The following ZNF487 variants were observed in gnomAD, a reference collection of about 807,000 sequenced individuals.
ZNF487 encodes zinc finger protein 487.
A neutral mutation model predicts 3.0 loss-of-function variants in ZNF487; 4 were observed. The ratio of observed to expected loss-of-function variants is 1.35; its 90% CI spans 0.66 to 3.08. The LOEUF (loss-of-function observed/expected upper bound fraction) is 3.08, where lower values mean the gene tolerates loss of function less well. Ranked by LOEUF, ZNF487 falls within the 30% of genes most tolerant of loss-of-function variation. The pLI is 0.01. For missense variants in ZNF487, 146 were observed against 98.7 expected, an observed-to-expected ratio of 1.48 and a Z score of -2.03; for synonymous variants, 55 against 34.6, an observed-to-expected ratio of 1.59 and a Z score of -2.06.
downstream of ZNF487, among the ~76,000 whole-genome samples, chr10:43,487,673 A>G (rs1225598324): frequency 6.7e-6 from 1 of 150,084 alleles, no homozygotes; most frequent in Non-Finnish European, 1.5e-5. Context: ...GATGGTGTCC[A>G]TCTTCCGACT....
At position 43,481,770 on chromosome 10, in the gene ZNF487, G is replaced by T; in HGVS notation, c.472G>T (p.Gly158Trp). The T allele has an allele frequency of 1.4e-6, 1 of 713,492 alleles. No individual in the cohort carries two copies. The highest frequency in any genetic ancestry group is 2.6e-6 in the Non-Finnish European group (1 of 385,054). 44.2% of individuals were successfully genotyped at this position (713,492 alleles called of 1,614,324 possible). Residue 158 changes from glycine (G) to tryptophan (W), a missense_variant, in exon 4 of 4, where the codon GGG becomes TGG. Transcript: ENST00000437590. The part of the protein sequence containing the change: ...RGKPLEYDGN[G>W]KAVSQNEDLF... ...GAAACCTTTGGAATATGATGGAAAT[G>T]GGAAAGCCGTCTCTCAGAATGAGGA... is the stretch of plus-strand genomic sequence containing the variant.
intron 1 of ZNF487, among the ~76,000 whole-genome samples, chr10:43,468,723 A>ACGCC (rs1331404871): frequency 6.9e-6 from 1 of 144,870 alleles, no homozygotes; most frequent in Non-Finnish European, 1.5e-5. Context: ...GCAGTGGCTC[A>ACGCC]CGCCTGTAAT....
At chr10:43,485,635 T>C (rs1307380304), downstream of ZNF487, among the ~76,000 whole-genome samples, 1 of 152,232 alleles carries the variant, frequency 6.6e-6, no homozygotes, top group Non-Finnish European at 1.5e-5. Flanking sequence ...CAAAATATTG[T>C]AGTCTAGTGT....
intron 1 of ZNF487, among the ~76,000 whole-genome samples, chr10:43,473,476 A>G (rs963018743): frequency 2.0e-5 from 3 of 152,068 alleles, no homozygotes; most frequent in African/African-American, 7.2e-5. Flanking sequence ...ATATCTAGCA[A>G]GATAAGCCCA....
downstream of ZNF487, among the ~76,000 whole-genome samples, chr10:43,486,960 A>G (rs1437782825): frequency 6.6e-6 from 1 of 152,220 alleles, no homozygotes; most frequent in African/African-American, 2.4e-5. Context: ...TGGTTTTCTA[A>G]ATATCTTAAA....
chr10:43,442,859 T>C (rs2132035551), intron 1 of ZNF487, among the ~76,000 whole-genome samples: 1 of 152,338 alleles, frequency 6.6e-6, no homozygotes, highest in East Asian at 1.9e-4. Flanking sequence ...ACAGCACATA[T>C]ACTAAAATTG....
Position 43,476,083 on chromosome 10 carries a change from G to A in ZNF487, c.35-24G>A, listed in dbSNP as rs537970655. ...GTCCTCCGCAGGCTATCTGGCCCAC[G>A]TCCTGTGTCATTTTCATTCACAGGA... On this transcript the variant is annotated intron_variant, in intron 2 of 3. Coordinates refer to ENST00000437590, the MANE Select transcript of ZNF487 (RefSeq NM_001355444.3). The A allele has an allele frequency of 5.4e-5, 39 of 716,468 alleles. 1 individual carries two copies. The Middle Eastern group carries it at 1.6e-3, about 29-fold the overall frequency. 44.4% of individuals were successfully genotyped at this position (716,468 alleles called of 1,614,324 possible).
intron 1 of ZNF487, among the ~76,000 whole-genome samples, chr10:43,459,237 C>A (rs1301735098): frequency 1.3e-5 from 2 of 151,752 alleles, no homozygotes; most frequent in East Asian, 3.9e-4. Context: ...TTCTTTCTTT[C>A]TTTCTTTTTT....
At chr10:43,513,716 A>G in the ZNF487 span, among the ~76,000 whole-genome samples, 1 of 152,186 alleles carries the variant, frequency 6.6e-6, no homozygotes, top group Non-Finnish European at 1.5e-5. Context: ...GTCTATGCCA[A>G]TTATGCATTC....
chr10:43,518,104 G>A, the ZNF487 span, among the ~76,000 whole-genome samples: 1 of 152,132 alleles, frequency 6.6e-6, no homozygotes, highest in Non-Finnish European at 1.5e-5. Flanking sequence ...AGATCTCTGG[G>A]AATCTCTTGC....
At chr10:43,446,741 C>T (rs1839822745) in intron 1 of ZNF487, among the ~76,000 whole-genome samples, 3 of 152,054 alleles carry the variant, frequency 2.0e-5, no homozygotes, top group African/African-American at 7.2e-5. Flanking sequence ...CTCCTCACAT[C>T]CCAGATGATG....
chr10:43,517,432 C>T, the ZNF487 span, among the ~76,000 whole-genome samples: 2 of 152,218 alleles, frequency 1.3e-5, no homozygotes, highest in African/African-American at 2.4e-5. Context: ...AATCTGTCCA[C>T]ATTGCAATAT....
At chr10:43,479,225 G>T (rs1327230870) in intron 3 of ZNF487, among the ~76,000 whole-genome samples, 1 of 151,584 alleles carries the variant, frequency 6.6e-6, no homozygotes, top group East Asian at 1.9e-4. Context: ...CTGCCTCCCA[G>T]AGTGCTGGTT....
chr10:43,468,880 T>C (rs1360855024), intron 1 of ZNF487, among the ~76,000 whole-genome samples: 1 of 142,718 alleles, frequency 7.0e-6, no homozygotes, highest in Non-Finnish European at 1.5e-5. Flanking sequence ...TCCCAGCTAC[T>C]CGGGAGGCTG....
chr10:43,464,905 G>GC (rs1277588267), intron 1 of ZNF487, among the ~76,000 whole-genome samples: 3 of 152,130 alleles, frequency 2.0e-5, no homozygotes, highest in African/African-American at 7.2e-5. Flanking sequence ...AGACGGGGTG[G>GC]TGGCCGGGCA....
At chr10:43,438,214 C>T (rs1207275033) in intron 1 of ZNF487, among the ~76,000 whole-genome samples, 1 of 152,052 alleles carries the variant, frequency 6.6e-6, no homozygotes, top group Non-Finnish European at 1.5e-5. Flanking sequence ...GAGGTGGAGT[C>T]TCCCTCTGTC....
chr10:43,504,613 A>G, the ZNF487 span, among the ~76,000 whole-genome samples: 2 of 151,406 alleles, frequency 1.3e-5, no homozygotes, highest in African/African-American at 4.8e-5. Flanking sequence ...CTTATGTACC[A>G]TTTTGAATTT....
downstream of ZNF487, among the ~76,000 whole-genome samples, chr10:43,484,729 T>C (rs547313994): frequency 5.4e-4 from 83 of 152,358 alleles, no homozygotes; most frequent in African/African-American, 2.0e-3. Flanking sequence ...GAAGCATTCA[T>C]TCTATTTTTT....
chr10:43,458,955 G>GT (rs1564418594), intron 1 of ZNF487, among the ~76,000 whole-genome samples: 2 of 152,044 alleles, frequency 1.3e-5, no homozygotes, highest in Non-Finnish European at 2.9e-5. Context: ...TTTCTGGCAA[G>GT]TATCTCCACA....
Sources: allele counts gnomAD v4.1 joint callset (sites outside exome capture counted in the v4.1 genomes callset), GRCh38; gene constraint gnomAD v4.1.1; transcripts MANE v1.5; gene names NCBI Gene and HGNC (gene_info 2026-07-23, HGNC 2026-07-21).